The following KIAA1328 variants were observed in gnomAD, a reference collection of about 807,000 sequenced individuals.
KIAA1328 encodes the protein protein hinderin.
In KIAA1328, 52 loss-of-function variants were observed where a neutral mutation model predicts 68.1. The observed-to-expected ratio is 0.76, with a 90% CI of 0.61 to 0.96. The LOEUF is 0.96. Among genes scored for constraint, KIAA1328 ranks in the 40% least tolerant of loss-of-function variants. KIAA1328 has a pLI of 0.00. For missense variants in KIAA1328, 641 were observed against 677.6 expected (o/e 0.95, Z 0.60); for synonymous variants, 232 against 239.4 (o/e 0.97, Z 0.28).
At chr18:36,959,181 C>A in intron 5 of KIAA1328, 127 bp from the exon 6 acceptor site, 1 of 824,514 alleles carries the variant, frequency 1.2e-6, no homozygotes, top group Non-Finnish European at 1.8e-6. Context: ...AGACTTTATA[C>A]TTATGACTCT....
intron 7 of KIAA1328, among the ~76,000 whole-genome samples, chr18:37,097,078 A>G (rs1269132443): frequency 6.6e-6 from 1 of 152,066 alleles, no homozygotes; most frequent in Non-Finnish European, 1.5e-5. Context: ...CTTTAGTTTG[A>G]TTAGATCCCA....
intron 7 of KIAA1328, among the ~76,000 whole-genome samples, chr18:37,122,812 C>T (rs1212572850): frequency 6.6e-6 from 1 of 152,068 alleles, no homozygotes; most frequent in Non-Finnish European, 1.5e-5. Flanking sequence ...GAAACAACTT[C>T]TGTGAAGAGC....
At chr18:37,163,102 A>C (rs1216100145) in intron 8 of KIAA1328, among the ~76,000 whole-genome samples, 1 of 152,162 alleles carries the variant, frequency 6.6e-6, no homozygotes, top group African/African-American at 2.4e-5. Flanking sequence ...CCTGATTTTC[A>C]TTCCTCTTTT....
chr18:37,193,990 C>T (rs1298972024), intron 9 of KIAA1328, among the ~76,000 whole-genome samples: 3 of 152,140 alleles, frequency 2.0e-5, no homozygotes, highest in African/African-American at 2.4e-5. Context: ...ATTATATGCA[C>T]GTACCACAAT....
At chr18:36,860,074 T>C (rs1195960692) in intron 4 of KIAA1328, among the ~76,000 whole-genome samples, 1 of 152,130 alleles carries the variant, frequency 6.6e-6, no homozygotes. Flanking sequence ...TCTTAATTTG[T>C]AAACAAATTG....
chr18:37,073,848 C>T (rs1036382466), intron 7 of KIAA1328, among the ~76,000 whole-genome samples: 5 of 152,106 alleles, frequency 3.3e-5, no homozygotes, highest in African/African-American at 9.7e-5. Context: ...ATAATACCAA[C>T]GTTTATGTGA....
intron 6 of KIAA1328, 140 bp from the exon 7 acceptor site, chr18:37,066,750 G>A (rs2056351221): frequency 2.6e-6 from 2 of 765,264 alleles, no homozygotes; most frequent in Admixed American, 6.1e-5. Context: ...GTTTAGCTGT[G>A]TGAATGCTAT....
Position 37,186,569 on chromosome 18 carries a change from A to G in KIAA1328, c.1523+13488A>G, listed in dbSNP as rs890475930. On this transcript the variant is annotated intron_variant, in intron 9 of 9. Transcript: ENST00000280020. ...GTGACAGAGTGAAACCCTATCAAAA[A>G]AAAAAAAAAAAAAAAAAACCATGAA... is the stretch of plus-strand genomic sequence containing the variant. 2.7e-5 allele frequency among the ~76,000 whole-genome samples: 4 copies of G among 149,964 alleles called. No individual in the cohort carries two copies. The South Asian group carries it at 6.3e-4, about 24-fold the overall frequency.
At chr18:37,076,305 A>T (rs2056732965) in intron 7 of KIAA1328, among the ~76,000 whole-genome samples, 1 of 152,188 alleles carries the variant, frequency 6.6e-6, no homozygotes. Flanking sequence ...GACACAACAT[A>T]CCAGAATCTC....
chr18:37,160,359 A>G lies in KIAA1328; in HGVS notation c.1392A>G (p.Lys464=), dbSNP rs548769019. 1.2e-6 allele frequency: 2 copies of G among 1,613,472 alleles called. No homozygotes were observed. The highest frequency in any genetic ancestry group is 3.3e-5 in the Admixed American group (2 of 59,992). The change falls in exon 8 of 10, where the codon AAA becomes AAG. Residue 464 remains lysine (K), a synonymous_variant. Coordinates refer to ENST00000280020, the MANE Select transcript of KIAA1328 (RefSeq NM_020776.3). ...KDDAQWSCQK[K]DTCRPQRGTV... is the part of the protein sequence containing the mutation. ...ATGCCCAGTGGTCATGTCAAAAGAA[A>G]GATACATGTAGACCCCAAAGAGGTA...
intron 7 of KIAA1328, among the ~76,000 whole-genome samples, chr18:37,152,667 G>C (rs999063272): frequency 1.3e-5 from 2 of 152,182 alleles, no homozygotes; most frequent in Non-Finnish European, 2.9e-5. Context: ...TGTGAGAGGA[G>C]TAGGCTGGTA....
At chr18:37,210,132 G>A (rs1450742994) in intron 9 of KIAA1328, among the ~76,000 whole-genome samples, 1 of 152,182 alleles carries the variant, frequency 6.6e-6, no homozygotes, top group African/African-American at 2.4e-5. Flanking sequence ...TCCATGGATG[G>A]ACCCTGAAAT....
chr18:36,847,489 G>A (rs918953211), intron 4 of KIAA1328, among the ~76,000 whole-genome samples: 7 of 151,296 alleles, frequency 4.6e-5, no homozygotes, highest in Admixed American at 6.6e-5. Flanking sequence ...AGTGTTTACC[G>A]GTGACTAATG....
chr18:36,942,625 A>G (rs1181436264), intron 5 of KIAA1328, among the ~76,000 whole-genome samples: 1 of 152,174 alleles, frequency 6.6e-6, no homozygotes, highest in Non-Finnish European at 1.5e-5. Flanking sequence ...TATAATCTGA[A>G]TGTATTTTTT....
At chr18:37,020,587 C>T (rs2054310584) in intron 6 of KIAA1328, among the ~76,000 whole-genome samples, 1 of 152,072 alleles carries the variant, frequency 6.6e-6, no homozygotes. Flanking sequence ...AGAACTGTAC[C>T]AGCTTCCTTT....
chr18:36,957,923 CT>C (rs1318757493), intron 5 of KIAA1328, among the ~76,000 whole-genome samples: 6 of 152,000 alleles, frequency 3.9e-5, no homozygotes, highest in Non-Finnish European at 2.9e-5. Context: ...TGTTTATTAC[CT>C]TTCCCCCAAA....
At position 37,223,314 on chromosome 18, in the gene KIAA1328, C is replaced by T. The variant is rs143247580; in HGVS notation, c.*1087C>T. 6.1e-6 allele frequency: 6 copies of T among 985,334 alleles called. No homozygotes were observed. The East Asian group carries it at 5.7e-4, about 93-fold the overall frequency. The allele number at this position is 985,334 out of a possible 1,614,324, so 61.0% of individuals were successfully genotyped here. ...TCTCCCTACTTTTTCTCACTGGCCT[C>T]GTTTTGACCCAGAGAAAGCCTATGG... On this transcript the variant is annotated 3_prime_UTR_variant, in exon 10 of 10. Coordinates refer to ENST00000280020, the MANE Select transcript of KIAA1328 (RefSeq NM_020776.3).
At chr18:36,972,848 C>T (rs1203491945) in intron 6 of KIAA1328, among the ~76,000 whole-genome samples, 2 of 152,074 alleles carry the variant, frequency 1.3e-5, no homozygotes, top group African/African-American at 2.4e-5. Flanking sequence ...GGTGCATACA[C>T]TTAAACAATA....
At chr18:36,880,172 A>C (rs557287406) in intron 4 of KIAA1328, among the ~76,000 whole-genome samples, 38 of 152,218 alleles carry the variant, frequency 2.5e-4, no homozygotes, top group African/African-American at 9.1e-4. Flanking sequence ...CACCCGAGGG[A>C]ATCTCCTGAT....
Sources: gnomAD v4.1 joint callset for allele counts (sites outside exome capture counted in the v4.1 genomes callset) on GRCh38, gnomAD v4.1.1 for gene constraint, MANE v1.5 for transcripts, NCBI Gene and HGNC (gene_info 2026-07-23, HGNC 2026-07-21) for gene names.